The following SAMD12 variants were observed in gnomAD, a reference collection of about 807,000 sequenced individuals.
The protein encoded by SAMD12 is sterile alpha motif domain containing 12, also known as sterile alpha motif domain-containing protein 12.
A neutral mutation model predicts 15.0 loss-of-function variants in SAMD12; 9 were observed. That is an observed-to-expected ratio of 0.60 (90% CI 0.36 to 1.05). The LOEUF (loss-of-function observed/expected upper bound fraction) is 1.05. Among genes scored for constraint, SAMD12 ranks in the 50% least tolerant of loss-of-function variants. SAMD12 has a pLI of 0.01. For synonymous variants in SAMD12, 86 were observed against 90.1 expected (o/e 0.96, Z 0.25); for missense variants, 230 against 234.2 (o/e 0.98, Z 0.12).
intron 4 of SAMD12, among the ~76,000 whole-genome samples, chr8:118,200,274 C>A (rs988719065): frequency 2.0e-5 from 3 of 151,988 alleles, no homozygotes; most frequent in African/African-American, 7.3e-5. Context: ...GTGTCCCCCT[C>A]TAGTGACATA....
At chr8:118,586,123 AC>A (rs1488971399) in intron 1 of SAMD12, among the ~76,000 whole-genome samples, 1 of 152,182 alleles carries the variant, frequency 6.6e-6, no homozygotes, top group South Asian at 2.1e-4. Context: ...CAACCAAGGA[AC>A]CCCCACATAG....
the SAMD12 span, among the ~76,000 whole-genome samples, chr8:118,153,789 A>C: frequency 6.6e-6 from 1 of 151,992 alleles, no homozygotes; most frequent in Non-Finnish European, 1.5e-5. Context: ...AAAAGCAAAA[A>C]CCTATCTACC....
chr8:118,619,278 C>T (rs755798137), intron 1 of SAMD12, among the ~76,000 whole-genome samples: 1 of 151,986 alleles, frequency 6.6e-6, no homozygotes, highest in Non-Finnish European at 1.5e-5. Flanking sequence ...GAGATCGAGA[C>T]CATCCTGGCT....
chr8:118,238,466 A>G (rs775314201), intron 4 of SAMD12, among the ~76,000 whole-genome samples: 19 of 152,144 alleles, frequency 1.2e-4, no homozygotes, highest in Non-Finnish European at 2.4e-4. Flanking sequence ...ACCCTGAATC[A>G]TATCTCAGGA....
intron 4 of SAMD12, among the ~76,000 whole-genome samples, chr8:118,293,082 ATAAC>A (rs1814505073): frequency 6.6e-6 from 1 of 150,928 alleles, no homozygotes; most frequent in Non-Finnish European, 1.5e-5. Flanking sequence ...AAAAAAATCA[ATAAC>A]AAACCTTGCA....
At chr8:118,211,105 G>C (rs1467048580) in intron 4 of SAMD12, among the ~76,000 whole-genome samples, 1 of 152,142 alleles carries the variant, frequency 6.6e-6, no homozygotes, top group African/African-American at 2.4e-5. Context: ...CAGAAGGGAG[G>C]GGGAGGAGCT....
At chr8:118,471,744 T>C (rs2130965342) in intron 2 of SAMD12, among the ~76,000 whole-genome samples, 1 of 152,276 alleles carries the variant, frequency 6.6e-6, no homozygotes, top group South Asian at 2.1e-4. Flanking sequence ...GTTTTTGTTT[T>C]GGTGGTGGTG....
intron 1 of SAMD12, among the ~76,000 whole-genome samples, chr8:118,593,337 T>TA (rs962451497): frequency 4.6e-5 from 7 of 151,658 alleles, no homozygotes; most frequent in African/African-American, 1.5e-4. Flanking sequence ...AAAGACTCCT[T>TA]AAAAAAAACA....
intron 2 of SAMD12, among the ~76,000 whole-genome samples, chr8:118,514,644 T>C (rs1825179667): frequency 6.6e-6 from 1 of 152,196 alleles, no homozygotes; most frequent in South Asian, 2.1e-4. Flanking sequence ...CAACATAAAA[T>C]AATTAAATAG....
At chr8:118,362,957 C>A (rs1004601869) in intron 4 of SAMD12, among the ~76,000 whole-genome samples, 4 of 152,144 alleles carry the variant, frequency 2.6e-5, no homozygotes, top group African/African-American at 4.8e-5. Flanking sequence ...GGAAACATCT[C>A]AGCAAAACCA....
intron 4 of SAMD12, among the ~76,000 whole-genome samples, chr8:118,271,955 A>C (rs891678270): frequency 6.6e-6 from 1 of 152,180 alleles, no homozygotes; most frequent in Non-Finnish European, 1.5e-5. Context: ...GCAAGCTGTC[A>C]GTGGATCTAC....
At chr8:118,161,501 G>A in the SAMD12 span, among the ~76,000 whole-genome samples, 1 of 150,198 alleles carries the variant, frequency 6.7e-6, no homozygotes. Flanking sequence ...GTTCAAGGAT[G>A]CAGTGAGCCG....
chr8:118,168,514 G>T, the SAMD12 span, among the ~76,000 whole-genome samples: 2 of 152,146 alleles, frequency 1.3e-5, no homozygotes, highest in Non-Finnish European at 2.9e-5. Flanking sequence ...AACAACCAAA[G>T]CTTCCTTATT....
chr8:118,315,991 G>A (rs1815878465), intron 4 of SAMD12, among the ~76,000 whole-genome samples: 1 of 152,060 alleles, frequency 6.6e-6, no homozygotes, highest in African/African-American at 2.4e-5. Flanking sequence ...GCCGGAGAAG[G>A]GACAAATTTC....
intron 3 of SAMD12, among the ~76,000 whole-genome samples, chr8:118,437,737 A>G (rs986175359): frequency 1.3e-5 from 2 of 152,160 alleles, no homozygotes; most frequent in African/African-American, 2.4e-5. Flanking sequence ...TTTTAAATGC[A>G]TACCTCATTC....
intron 2 of SAMD12, among the ~76,000 whole-genome samples, chr8:118,503,323 AAAC>A (rs1769042404): frequency 6.6e-6 from 1 of 152,192 alleles, no homozygotes; most frequent in Non-Finnish European, 1.5e-5. Context: ...AGAAATTAAG[AAAC>A]TTAAGTGATT....
the SAMD12 span, among the ~76,000 whole-genome samples, chr8:118,161,629 T>G: frequency 1.3e-5 from 2 of 151,446 alleles, no homozygotes; most frequent in Non-Finnish European, 2.9e-5. Flanking sequence ...GAGAAAATAT[T>G]TACAGATCAT....
At chr8:118,591,162 T>C (rs1278224000) in intron 1 of SAMD12, among the ~76,000 whole-genome samples, 2 of 152,204 alleles carry the variant, frequency 1.3e-5, no homozygotes, top group African/African-American at 4.8e-5. Context: ...TGTACTTTTA[T>C]GGTATATAAA....
chr8:118,381,866 A>G (rs1290380327), intron 3 of SAMD12, among the ~76,000 whole-genome samples: 1 of 152,024 alleles, frequency 6.6e-6, no homozygotes, highest in African/African-American at 2.4e-5. Context: ...ACTGGAATTT[A>G]CATGTTTTCA....
Sources: allele counts gnomAD v4.1 joint callset (sites outside exome capture counted in the v4.1 genomes callset), GRCh38; gene constraint gnomAD v4.1.1; transcripts MANE v1.5; gene names NCBI Gene and HGNC (gene_info 2026-07-23, HGNC 2026-07-21).